The following KIF2C variants were observed in gnomAD, a reference collection of about 807,000 sequenced individuals.
The protein encoded by KIF2C is kinesin family member 2C.
Under a neutral mutation model 97.4 loss-of-function variants are expected in KIF2C, and 34 were observed. That is an observed-to-expected ratio of 0.35 (90% CI 0.27 to 0.46). KIF2C has a LOEUF of 0.46. Among genes scored for constraint, KIF2C ranks in the 20% least tolerant of loss-of-function variants. KIF2C has a pLI of 1.00. For missense variants in KIF2C, 750 were observed against 907.6 expected, an observed-to-expected ratio of 0.83 and a Z score of 2.23; for synonymous variants, 313 against 318.2, an observed-to-expected ratio of 0.98 and a Z score of 0.17.
chr1:44,744,531 T>C (rs1289146136), intron 2 of KIF2C, among the ~76,000 whole-genome samples: 1 of 152,318 alleles, frequency 6.6e-6, no homozygotes, highest in South Asian at 2.1e-4. Context: ...GCCTTTACAC[T>C]CTTATTCCTT....
intron 7 of KIF2C, 123 bp downstream of exon 7, chr1:44,753,956 T>TTA: frequency 6.6e-6 from 2 of 302,024 alleles, no homozygotes; most frequent in Non-Finnish European, 1.2e-5. Context: ...GAGGCCCCAA[T>TTA]TCTTTTTTTT....
chr1:44,756,383 A>T, intron 10 of KIF2C, 146 bp downstream of exon 10: 1 of 852,262 alleles, frequency 1.2e-6, no homozygotes. Context: ...ACCCTTTGGC[A>T]GCTTAGTGGC....
At chr1:44,753,917 G>C (rs1393865521) in intron 7 of KIF2C, 84 bp downstream of exon 7, 7 of 571,322 alleles carry the variant, frequency 1.2e-5, no homozygotes, top group Non-Finnish European at 2.1e-5. Context: ...ATACAGTTGG[G>C]CCCCAGCATT....
chr1:44,753,779 C>T lies in KIF2C; in HGVS notation c.609C>T (p.Asn203=). The T allele has an allele frequency of 1.9e-6, 3 of 1,611,320 alleles. No individual in the cohort carries two copies. Among genetic ancestry groups the T allele is most frequent in the Non-Finnish European group, 1.7e-6 (2 of 1,179,050 alleles). ...CLVKEVEKMK[N]KREEKKAQNS... ...TGAAGGAAGTGGAAAAAATGAAGAA[C>T]AAGCGAGAAGAGAAGAAGGCCCAGA... Residue 203 remains asparagine, a synonymous_variant, in exon 7 of 21, where the codon AAC becomes AAT. Transcript: ENST00000372224.
intron 13 of KIF2C, 101 bp downstream of exon 13, chr1:44,758,241 A>C: frequency 1.0e-6 from 1 of 969,668 alleles, no homozygotes; most frequent in Non-Finnish European, 1.6e-6. Flanking sequence ...TTAGCTGATT[A>C]GCTGTCAAGC....
intron 5 of KIF2C, among the ~76,000 whole-genome samples, chr1:44,751,347 C>T (rs1330016880): frequency 1.3e-5 from 2 of 151,270 alleles, no homozygotes; most frequent in Non-Finnish European, 2.9e-5. Flanking sequence ...AGGCATGTGC[C>T]ACCACGCCCG....
chr1:44,753,982 T>TC (rs1649678460), intron 7 of KIF2C, 149 bp downstream of exon 7: 1 of 422,818 alleles, frequency 2.4e-6, no homozygotes, highest in Non-Finnish European at 4.1e-6. Flanking sequence ...TTTTTTTTTT[T>TC]TTTGCTCTGT....
At position 44,740,997 on chromosome 1, in the gene KIF2C, A is replaced by G. The variant is rs1446219476; in HGVS notation, c.155A>G (p.Lys52Arg). The change falls in exon 2 of 21, where the codon AAG becomes AGG. Residue 52 changes from lysine to arginine, a missense_variant. Coordinates refer to ENST00000372224, the MANE Select transcript of KIF2C (RefSeq NM_006845.4). ...GAATGGGCAGAAGGAGGTGCCACAAAGGGCAAAGAGGTAGGTTCTATGAGA... is the reference window on the plus strand; with the variant it reads ...GAATGGGCAGAAGGAGGTGCCACAAGGGGCAAAGAGGTAGGTTCTATGAGA... Reference protein sequence around the residue: ...SVEWAEGGATKGKEIDFDDVA... With the variant: ...SVEWAEGGATRGKEIDFDDVA... The G allele has an allele frequency of 6.2e-7, 1 of 1,612,650 alleles. No homozygotes were observed. The highest frequency in any genetic ancestry group is 2.2e-5 in the East Asian group (1 of 44,866).
At chr1:44,763,158 T>C (rs1650257812) in intron 19 of KIF2C, among the ~76,000 whole-genome samples, 1 of 151,032 alleles carries the variant, frequency 6.6e-6, no homozygotes, top group Admixed American at 6.6e-5. Flanking sequence ...ATGGTTGTAT[T>C]TGAGCGTTCA....
At chr1:44,742,975 A>C (rs1354145195) in intron 2 of KIF2C, among the ~76,000 whole-genome samples, 1 of 152,220 alleles carries the variant, frequency 6.6e-6, no homozygotes, top group South Asian at 2.1e-4. Context: ...GGCTGGGCTT[A>C]GAGGGTGGAG....
chr1:44,747,894 G>A (rs1357376989), intron 4 of KIF2C, among the ~76,000 whole-genome samples, 194 bp downstream of exon 4: 1 of 152,226 alleles, frequency 6.6e-6, no homozygotes, highest in Non-Finnish European at 1.5e-5. Flanking sequence ...GAGACCTGGT[G>A]CATTTAGGAA....
rs916955840 is a variant in KIF2C at position 44,747,250 on chromosome 1, T to C, written c.166-134T>C. 1.9e-5 allele frequency: 13 copies of C among 702,324 alleles called. 1 individual carries two copies. Among genetic ancestry groups the C allele is most frequent in the South Asian group, 3.5e-5 (2 of 56,876 alleles). 43.5% of individuals were successfully genotyped at this position (702,324 alleles called of 1,614,324 possible). A position where few individuals can be genotyped will look rare whatever the true frequency, so the allele number is the denominator to read the frequency against. On this transcript the variant is annotated intron_variant, in intron 2 of 20. Transcript: ENST00000372224. ...TTGGACCCAGGAGGCAGAGGTTGCA[T>C]TGAACCAAGATCGCACCACTGCCCT... is the stretch of plus-strand genomic sequence containing the variant.
intron 19 of KIF2C, among the ~76,000 whole-genome samples, chr1:44,765,677 TA>T (rs571820993): frequency 1.3e-5 from 2 of 151,850 alleles, no homozygotes; most frequent in East Asian, 1.9e-4. Flanking sequence ...TACTAAAAAA[TA>T]AAAAAAAATA....
chr1:44,753,002 G>C, intron 5 of KIF2C, 130 bp from the exon 6 acceptor site: 1 of 1,145,620 alleles, frequency 8.7e-7, no homozygotes. Flanking sequence ...AAAAGCACAA[G>C]CTCTGCACAT....
Position 44,766,835 on chromosome 1 carries a change from G to C in KIF2C, c.1981G>C (p.Asp661His). 1 of 1,614,198 alleles carries C rather than the reference G, an allele frequency of 6.2e-7. No individual in the cohort carries two copies. Among genetic ancestry groups the C allele is most frequent in the East Asian group, 2.2e-5 (1 of 44,894 alleles). ...CCTCCCTGTGTTGTAGCAAGGACCA[G>C]ACTGGCTTGAGCTCTCTGAGATGAC... ...ELKEIIQQGP[D>H]WLELSEMTEQ... is the part of the protein sequence containing the mutation. The change falls in exon 20 of 21, where the codon GAC (aspartate) becomes CAC (histidine). Residue 661 changes from aspartate to histidine, a missense_variant. Transcript: ENST00000372224.
At position 44,760,974 on chromosome 1, in the gene KIF2C, G is replaced by A; in HGVS notation, c.1683+272G>A. 5.2e-6 allele frequency: 2 copies of A among 382,340 alleles called. No individual in the cohort carries two copies. The allele number at this position is 382,340 out of a possible 1,614,324, so 23.7% of individuals were successfully genotyped here. On this transcript the variant is annotated intron_variant, in intron 16 of 20. Coordinates refer to ENST00000372224, the MANE Select transcript of KIF2C (RefSeq NM_006845.4). This position sits in a 1 kb window ranked among gnomAD's most constrained non-coding sequence, Gnocchi z 4.2. ...ATTCCTGCATTACCTGATGAAAAGG[G>A]GGTTCCAGAATTCGGAAGATGGGCC...
intron 1 of KIF2C, 157 bp downstream of exon 1, chr1:44,740,159 C>T: frequency 1.2e-6 from 1 of 865,164 alleles, no homozygotes; most frequent in Non-Finnish European, 1.9e-6. Context: ...GGCAGTCATT[C>T]TTGCCTACAC....
chr1:44,751,220 A>C (rs944965763), intron 5 of KIF2C, among the ~76,000 whole-genome samples: 2 of 151,730 alleles, frequency 1.3e-5, no homozygotes, highest in African/African-American at 4.8e-5. Context: ...ATTGAGACAG[A>C]GTCTCACTCT....
rs1650067634 is a variant in KIF2C at position 44,760,297 on chromosome 1, T to C, written c.1385T>C (p.Phe462Ser). 6.2e-7 allele frequency: 1 copy of C among 1,614,038 alleles called. No homozygotes were observed. Among genetic ancestry groups the C allele is most frequent in the Non-Finnish European group, 8.5e-7 (1 of 1,180,020 alleles). ...GSACRTSGQTFANSNSSRSHA... is the reference protein window; with the variant it reads ...GSACRTSGQTSANSNSSRSHA... The stretch of plus-strand genomic sequence containing the variant: ...TACCACAGAACCTCTGGGCAGACAT[T>C]TGCCAACTCCAATTCCTCCCGCTCC... The change falls in exon 15 of 21, where the codon TTT becomes TCT. Residue 462 changes from phenylalanine to serine, a missense_variant. Phe to Ser is a radical substitution (Grantham distance 155, BLOSUM62 -2). Coordinates refer to ENST00000372224, the MANE Select transcript of KIF2C (RefSeq NM_006845.4). The surrounding 1 kb of genome is among the most constrained non-coding windows in gnomAD (Gnocchi z 4.2).
Sources: allele counts gnomAD v4.1 joint callset (sites outside exome capture counted in the v4.1 genomes callset), GRCh38; gene constraint gnomAD v4.1.1; non-coding constraint Gnocchi (gnomAD v3.1); transcripts MANE v1.5; gene names NCBI Gene and HGNC (gene_info 2026-07-23, HGNC 2026-07-21).